DEF8: variants seen among roughly 807,000 people sequenced by gnomAD.
The protein encoded by DEF8 is DEF-8.
In DEF8, 38 loss-of-function variants were observed where a neutral mutation model predicts 59.1. The ratio of observed to expected loss-of-function variants is 0.64; its 90% CI spans 0.50 to 0.84. DEF8 has a LOEUF of 0.84. Among genes scored for constraint, DEF8 ranks in the 40% least tolerant of loss-of-function variants. The probability of loss-of-function intolerance (pLI) is 0.00; values close to 1 mark genes in which losing one functional copy is unlikely to be tolerated. For missense variants in DEF8, 557 were observed against 615.2 expected (o/e 0.91, Z 1.00); for synonymous variants, 265 against 250.1 (o/e 1.06, Z -0.56).
intron 12 of DEF8, among the ~76,000 whole-genome samples, chr16:89,965,610 C>T (rs369504654): frequency 5.9e-5 from 9 of 152,262 alleles, no homozygotes; most frequent in African/African-American, 1.9e-4. Context: ...GGCTCAGCCC[C>T]TCAGCTGTGT....
intron 2 of DEF8, 102 bp downstream of exon 2, chr16:89,949,615 C>T (rs1373212820): frequency 5.6e-6 from 9 of 1,612,466 alleles, no homozygotes; most frequent in South Asian, 1.1e-5. Context: ...GTGGTCACGC[C>T]GCGGGCAGGA....
At chr16:89,959,196 CCAAAGTTCCTGCCTCCGCTGGGCT>C (rs1400471987) in intron 6 of DEF8, 41 bp downstream of exon 6, 1 of 1,613,160 alleles carries the variant, frequency 6.2e-7, no homozygotes, top group Admixed American at 1.7e-5. Flanking sequence ...ATGAGAGAGA[CCAAAGTTCCTGCCTCCGCTGGGCT>C]CACATTCAGA....
Position 89,954,089 on chromosome 16 carries a change from G to T in DEF8, c.-10-154G>T. 3.9e-6 allele frequency: 3 copies of T among 764,174 alleles called. No individual in the cohort carries two copies. The allele number at this position is 764,174 out of a possible 1,614,324, so 47.3% of individuals were successfully genotyped here. On this transcript the variant is annotated intron_variant, in intron 2 of 12. Coordinates refer to ENST00000563594, the MANE Select transcript of DEF8 (RefSeq NM_001242818.2). This position sits in a 1 kb window ranked among gnomAD's most constrained non-coding sequence, Gnocchi z 4.3. Reference sequence around the variant, plus strand: ...GGCAGCTGAGGTGTTTCAGGAAAAGGCTGAAGATCAAGGCTGTGGTGTGAG... The same window carrying T: ...GGCAGCTGAGGTGTTTCAGGAAAAGTCTGAAGATCAAGGCTGTGGTGTGAG...
At chr16:89,960,544 G>A (rs1046682141) in intron 6 of DEF8, among the ~76,000 whole-genome samples, 2 of 150,902 alleles carry the variant, frequency 1.3e-5, no homozygotes, top group African/African-American at 4.9e-5. Flanking sequence ...CAAAAACAGA[G>A]AGAGAGAAAC....
chr16:89,963,615 C>G (rs1299917873), intron 10 of DEF8, among the ~76,000 whole-genome samples, 172 bp downstream of exon 10: 2 of 152,190 alleles, frequency 1.3e-5, no homozygotes, highest in Non-Finnish European at 1.5e-5. Context: ...CAAAAGAGTT[C>G]TCCAGTCAGT....
intron 5 of DEF8, 134 bp from the exon 6 acceptor site, chr16:89,958,880 C>G (rs940185624): frequency 6.7e-7 from 1 of 1,491,638 alleles, no homozygotes; most frequent in East Asian, 2.3e-5. Flanking sequence ...AGAAAAGGGA[C>G]ATGGCATTGT....
rs889356185 is a variant in DEF8, at chr16:89,954,198, G to C, written c.-10-45G>C. ...TTGGGGAAAGGGGGTGGTCCGTGGT[G>C]AGCCTGGTACCTGGGGACTCATCCT... is the stretch of plus-strand genomic sequence containing the variant. On this transcript the variant is annotated intron_variant, in intron 2 of 12. Coordinates refer to ENST00000563594, the MANE Select transcript of DEF8 (RefSeq NM_001242818.2). This position sits in a 1 kb window ranked among gnomAD's most constrained non-coding sequence, Gnocchi z 4.3. 5.0e-6 allele frequency: 8 copies of C among 1,596,618 alleles called. No individual in the cohort carries two copies.
At chr16:89,951,736 C>T (rs2032131145) in intron 2 of DEF8, among the ~76,000 whole-genome samples, 1 of 152,152 alleles carries the variant, frequency 6.6e-6, no homozygotes, top group African/African-American at 2.4e-5. Context: ...GCATTCCAGG[C>T]AGCAGGAGGC....
intron 9 of DEF8, among the ~76,000 whole-genome samples, chr16:89,962,819 C>A (rs760843311): frequency 6.6e-6 from 1 of 152,266 alleles, no homozygotes; most frequent in African/African-American, 2.4e-5. Context: ...CATGTAGCCT[C>A]TGCTAAGTCT....
In DEF8 at chr16:89,961,115, GAA is replaced by G. The variant is rs1446762621; in HGVS notation, c.679+21_679+22del. ...CTCTGCGTGAGTGGTGGCAGGGAGA[GAA>G]GAGGGTGAGGGAGCTGTTCCTGGCG... On this transcript the variant is annotated intron_variant, in intron 7 of 12. Coordinates refer to ENST00000563594, the MANE Select transcript of DEF8 (RefSeq NM_001242818.2). 1.2e-6 allele frequency: 2 copies of G among 1,604,026 alleles called. No individual in the cohort carries two copies. The highest frequency in any genetic ancestry group is 1.7e-6 in the Non-Finnish European group (2 of 1,172,362).
chr16:89,963,438 C>T lies in DEF8; in HGVS notation c.997C>T (p.Leu333=), dbSNP rs544753376. 25 of 1,613,248 alleles carry T rather than the reference C, an allele frequency of 1.5e-5. No individual in the cohort carries two copies. In the South Asian group the frequency reaches 2.6e-4, roughly 17 times the overall value. Residue 333 remains leucine, a synonymous_variant, in exon 10 of 13, where the codon CTG becomes TTG. Coordinates refer to ENST00000563594, the MANE Select transcript of DEF8 (RefSeq NM_001242818.2). ...GGAGGCCATGGAGGCTCGTCTGCTGCTGCAGGTCAGACTGCCAGCAGGACT... is the reference window on the plus strand; with the variant it reads ...GGAGGCCATGGAGGCTCGTCTGCTGTTGCAGGTCAGACTGCCAGCAGGACT... ...CREAMEARLL[L]QLQDRQHFVE... is the part of the protein sequence containing the mutation.
At chr16:89,950,991 A>G (rs1228474505) in intron 2 of DEF8, among the ~76,000 whole-genome samples, 4 of 152,176 alleles carry the variant, frequency 2.6e-5, no homozygotes, top group African/African-American at 9.7e-5. Context: ...AAAAAAAAGT[A>G]ATAATGATAA....
Position 89,961,759 on chromosome 16 carries a change from G to C in DEF8, c.702G>C (p.Arg234Ser). Residue 234 changes from arginine to serine, a missense_variant, in exon 8 of 13, where the codon AGG (arginine) becomes AGC (serine). By Grantham distance (110) the Arg-to-Ser change is moderately radical. Coordinates refer to ENST00000563594, the MANE Select transcript of DEF8 (RefSeq NM_001242818.2). ...ISLRGVPSEA[R>S]QCDYTGQYYC... is the part of the protein sequence containing the mutation. ...CAGGGGGTGTGCCCAGTGAGGCCAG[G>C]CAGTGCGACTACACCGGCCAGTACT... 1.2e-6 allele frequency: 2 copies of C among 1,613,526 alleles called. No individual in the cohort carries two copies. The highest frequency in any genetic ancestry group is 1.7e-6 in the Non-Finnish European group (2 of 1,179,986).
chr16:89,954,178 G>T lies in DEF8; in HGVS notation c.-10-65G>T. The T allele has an allele frequency of 6.4e-7, 1 of 1,571,800 alleles. No individual in the cohort carries two copies. The highest frequency in any genetic ancestry group is 1.2e-5 in the South Asian group (1 of 85,218). On this transcript the variant is annotated intron_variant, in intron 2 of 12. Coordinates refer to ENST00000563594, the MANE Select transcript of DEF8 (RefSeq NM_001242818.2). The surrounding 1 kb of genome is among the most constrained non-coding windows in gnomAD (Gnocchi z 4.3). ...CCCCAGACACCCCAGTGTGGTTGGGGAAAGGGGGTGGTCCGTGGTGAGCCT... is the reference window on the plus strand; with the variant it reads ...CCCCAGACACCCCAGTGTGGTTGGGTAAAGGGGGTGGTCCGTGGTGAGCCT...
At chr16:89,953,027 A>G (rs2032479213) in intron 2 of DEF8, among the ~76,000 whole-genome samples, 1 of 152,230 alleles carries the variant, frequency 6.6e-6, no homozygotes, top group African/African-American at 2.4e-5. Flanking sequence ...TTTTGGGAGA[A>G]GAGACAGAGG....
chr16:89,963,927 G>A (rs1378561612), intron 10 of DEF8: 1 of 609,260 alleles, frequency 1.6e-6, no homozygotes, highest in Non-Finnish European at 3.0e-6. Flanking sequence ...GGGATGCGGT[G>A]TGGCTGGGAG....
intron 7 of DEF8, 38 bp from the exon 8 acceptor site, chr16:89,961,699 G>T (rs200015417): frequency 7.2e-5 from 116 of 1,609,366 alleles, no homozygotes; most frequent in East Asian, 2.2e-5. Flanking sequence ...TGGGGTTTTT[G>T]TGAGGCAGGG....
chr16:89,952,694 A>C (rs2032394757), intron 2 of DEF8: 2 of 152,254 alleles, frequency 1.3e-5, no homozygotes, highest in African/African-American at 4.8e-5. Flanking sequence ...TAATAAGAGA[A>C]GGAGGTGGGA....
rs144843341 is a variant in DEF8, at chr16:89,955,930, G to A, written c.222+664G>A. 2.3e-4 allele frequency among the ~76,000 whole-genome samples: 35 copies of A among 151,920 alleles called. 1 individual carries two copies. The highest frequency in any genetic ancestry group is 7.2e-4 in the African/African-American group (30 of 41,430). On this transcript the variant is annotated intron_variant, in intron 4 of 12. Coordinates refer to ENST00000563594, the MANE Select transcript of DEF8 (RefSeq NM_001242818.2). ...TACTAAAAAATGCAAAAAATCAGCC[G>A]GGCGTGGTGGCACATGCCTGTAGTC...
Sources: gnomAD v4.1 joint callset for allele counts (sites outside exome capture counted in the v4.1 genomes callset) on GRCh38, gnomAD v4.1.1 for gene constraint, Gnocchi (gnomAD v3.1) non-coding constraint, MANE v1.5 for transcripts, NCBI Gene and HGNC (gene_info 2026-07-23, HGNC 2026-07-21) for gene names.